Variants in SNRPE observed in about 807,000 individuals in gnomAD.
SNRPE encodes small nuclear ribonucleoprotein E.
For missense variants in SNRPE, 53 were observed against 111.6 expected (o/e 0.48, Z 2.36); for synonymous variants, 35 against 36.7 (o/e 0.95, Z 0.17).
chr1:203,863,484 AT>A, intron 2 of SNRPE, 178 bp from the exon 3 acceptor site: 56 of 542,272 alleles, frequency 1.0e-4, no homozygotes, highest in South Asian at 2.7e-4. Flanking sequence ...CGCCCAGCTA[AT>A]TTTTTTTGTA....
chr1:203,863,268 C>T (rs1439294647), intron 2 of SNRPE, among the ~76,000 whole-genome samples: 2 of 151,930 alleles, frequency 1.3e-5, no homozygotes, highest in African/African-American at 2.4e-5. Flanking sequence ...CGAATTATTC[C>T]GCTTTGGCAT....
At chr1:203,862,601 T>G (rs1689999607) in intron 2 of SNRPE, among the ~76,000 whole-genome samples, 1 of 152,174 alleles carries the variant, frequency 6.6e-6, no homozygotes, top group African/African-American at 2.4e-5. Context: ...CCAGCCAACT[T>G]AAACCATGTC....
At chr1:203,863,330 C>G (rs1489704360) in intron 2 of SNRPE, among the ~76,000 whole-genome samples, 1 of 151,654 alleles carries the variant, frequency 6.6e-6, no homozygotes, top group East Asian at 1.9e-4. Context: ...TTTTTCTTTT[C>G]TTTTTTTTGA....
At chr1:203,861,894 G>A (rs150883455) in intron 1 of SNRPE, 181 bp downstream of exon 1, 7,687 of 645,126 alleles carry the variant, frequency 0.012, 75 homozygotes, top group Non-Finnish European at 0.015. Context: ...GTGGTCTTGG[G>A]GGGACCCCTG....
chr1:203,867,132 T>A (rs75246356), intron 4 of SNRPE, among the ~76,000 whole-genome samples: 5 of 80,762 alleles, frequency 6.2e-5, no homozygotes, highest in Admixed American at 1.4e-4. Context: ...AAAAAAAAAT[T>A]AGCTGGGCAT....
chr1:203,867,436 T>C (rs973195115), intron 4 of SNRPE, among the ~76,000 whole-genome samples: 10 of 151,590 alleles, frequency 6.6e-5, no homozygotes, highest in African/African-American at 2.4e-4. Context: ...TACATTGTAA[T>C]ATATAATGAA....
intron 4 of SNRPE, among the ~76,000 whole-genome samples, chr1:203,867,037 G>A (rs1451110897): frequency 1.3e-5 from 2 of 151,024 alleles, no homozygotes; most frequent in African/African-American, 2.4e-5. Flanking sequence ...TTGGGAGGCC[G>A]AGGCGGGTGG....
At chr1:203,864,876 CAAAAAAAA>C (rs61506397) in intron 3 of SNRPE, among the ~76,000 whole-genome samples, 157 bp from the exon 4 acceptor site, 2 of 119,284 alleles carry the variant, frequency 1.7e-5, no homozygotes, top group African/African-American at 3.1e-5. Flanking sequence ...GATCCTTTCT[CAAAAAAAA>C]AAAAAAAAAA....
At chr1:203,867,279 C>CAA (rs200904781) in intron 4 of SNRPE, among the ~76,000 whole-genome samples, 1 of 142,620 alleles carries the variant, frequency 7.0e-6, no homozygotes. Context: ...GACTCTGTCT[C>CAA]AAAAAAAAAA....
rs1002269985 is a variant in SNRPE, at chr1:203,870,506, C to G, written c.*574C>G. On this transcript the variant is annotated 3_prime_UTR_variant, in exon 5 of 5. Transcript: ENST00000414487. ...TTGGATATAGGGAAAGAATGAAGTGCCTTTCAAGTACATTAAAAATCAGTT... is the reference window on the plus strand; with the variant it reads ...TTGGATATAGGGAAAGAATGAAGTGGCTTTCAAGTACATTAAAAATCAGTT... The G allele has an allele frequency of 6.6e-6, 1 of 152,078 alleles. No homozygotes were observed. Among genetic ancestry groups the G allele is most frequent in the African/African-American group, 2.4e-5 (1 of 41,408 alleles). 9.4% of individuals were successfully genotyped at this position (152,078 alleles called of 1,614,324 possible).
intron 3 of SNRPE, 32 bp from the exon 4 acceptor site, chr1:203,865,009 C>T: frequency 6.4e-7 from 1 of 1,569,888 alleles, no homozygotes; most frequent in Admixed American, 1.8e-5. Flanking sequence ...ATGTGATTTT[C>T]TTTGAAGATA....
intron 4 of SNRPE, 43 bp from the exon 5 acceptor site, chr1:203,869,834 A>C (rs752560274): frequency 7.2e-7 from 1 of 1,388,242 alleles, no homozygotes; most frequent in Non-Finnish European, 1.0e-6. Context: ...AAAACATCTG[A>C]GTGTGTGGCT....
chr1:203,862,267 G>A lies in SNRPE; in HGVS notation c.81+45G>A, dbSNP rs137964299. On this transcript the variant is annotated intron_variant, in intron 2 of 4. Coordinates refer to ENST00000414487, the MANE Select transcript of SNRPE (RefSeq NM_003094.4). The stretch of plus-strand genomic sequence containing the variant: ...CGTAACTACTTTTTAAATAAGAGGT[G>A]AACTGATTTAGTTTTTTGTGTTAAC... The A allele has an allele frequency of 6.7e-4, 938 of 1,389,842 alleles. 3 individuals carry two copies. In the Middle Eastern group the frequency reaches 7.0e-3, roughly 10 times the overall value. The allele number at this position is 1,389,842 out of a possible 1,614,324, so 86.1% of individuals were successfully genotyped here.
intron 2 of SNRPE, among the ~76,000 whole-genome samples, chr1:203,863,118 C>A (rs1303880937): frequency 6.3e-5 from 9 of 142,774 alleles, no homozygotes; most frequent in Admixed American, 5.3e-4. Flanking sequence ...ACATTCATTA[C>A]AATTTTTTTA....
chr1:203,867,620 G>A lies in SNRPE; in HGVS notation c.224-2257G>A, dbSNP rs969099915. 4.6e-5 allele frequency among the ~76,000 whole-genome samples: 7 copies of A among 152,114 alleles called. No individual in the cohort carries two copies. In the South Asian group the frequency reaches 8.3e-4, roughly 18 times the overall value. On this transcript the variant is annotated intron_variant, in intron 4 of 4. Transcript: ENST00000414487. ...CTTTGCCCGGTTCACAATAGGTTTT[G>A]CGCTCCTATGAGAATCTAAGGCTTC...
In SNRPE at chr1:203,870,058, TAC is replaced by T; in HGVS notation, c.*127_*128del. 5 of 578,752 alleles carry T rather than the reference TAC, an allele frequency of 8.6e-6. No individual in the cohort carries two copies. In the South Asian group the frequency reaches 1.2e-4, roughly 14 times the overall value. 35.9% of individuals were successfully genotyped at this position (578,752 alleles called of 1,614,324 possible). A position where few individuals can be genotyped will look rare whatever the true frequency, so the allele number is the denominator to read the frequency against. On this transcript the variant is annotated 3_prime_UTR_variant, in exon 5 of 5. Transcript: ENST00000414487. ...CGTGTTACTACAAGATGGCAATAAA[TAC>T]TATGGGATTGTTTGTATTAAAAAAT...
intron 2 of SNRPE, 34 bp downstream of exon 2, chr1:203,862,256 A>G: frequency 6.7e-7 from 1 of 1,485,284 alleles, no homozygotes; most frequent in Non-Finnish European, 9.4e-7. Context: ...ACTACTTTTT[A>G]AATAAGAGGT....
chr1:203,863,009 G>A (rs1292836596), intron 2 of SNRPE, among the ~76,000 whole-genome samples: 1 of 152,022 alleles, frequency 6.6e-6, no homozygotes, highest in Non-Finnish European at 1.5e-5. Flanking sequence ...AGCTTATACA[G>A]TTCCAATATA....
chr1:203,862,161 G>A (rs1689991288), intron 1 of SNRPE, 35 bp from the exon 2 acceptor site: 2 of 1,576,788 alleles, frequency 1.3e-6, no homozygotes, highest in Non-Finnish European at 1.7e-6. Flanking sequence ...AGTCTATGCT[G>A]CTTTTGTATT....
Sources: allele counts gnomAD v4.1 joint callset (sites outside exome capture counted in the v4.1 genomes callset), GRCh38; gene constraint gnomAD v4.1.1; transcripts MANE v1.5; gene names NCBI Gene and HGNC (gene_info 2026-07-23, HGNC 2026-07-21).